Variants in KCNJ3 observed in about 807,000 individuals in gnomAD.
The protein encoded by KCNJ3 is G protein-activated inward rectifier potassium channel 1.
Under a neutral mutation model 39.2 loss-of-function variants are expected in KCNJ3, and 4 were observed. The observed-to-expected ratio is 0.10, with a 90% CI of 0.05 to 0.23. The LOEUF (loss-of-function observed/expected upper bound fraction) is 0.23, where lower values mean the gene tolerates loss of function less well. Ranked by LOEUF, KCNJ3 falls within the 10% of genes least tolerant of loss-of-function variation. The pLI is 1.00. For missense variants in KCNJ3, 276 were observed against 634.9 expected (o/e 0.43, Z 6.08); for synonymous variants, 230 against 237.4 (o/e 0.97, Z 0.29).
At position 154,836,251 on chromosome 2, in the gene KCNJ3, C is replaced by A. The variant is rs867482317; in HGVS notation, c.920-18476C>A. Among the ~76,000 whole-genome samples the A allele has an allele frequency of 8.2e-3, 1,173 of 143,632 alleles. 17 individuals are homozygous for A. Among genetic ancestry groups the A allele is most frequent in the African/African-American group, 0.028 (1,068 of 38,298 alleles). The allele number at this position is 143,632 out of a possible 152,430, so 94.2% of individuals were successfully genotyped here. On this transcript the variant is annotated intron_variant, in intron 2 of 2. Transcript: ENST00000295101. ...AAACAAAAAAAAAAACAAAAAAAAA[C>A]AACTAGGAGAAAATCTAGCCTGCCT...
At chr2:154,731,348 A>G (rs1685446115) in intron 2 of KCNJ3, among the ~76,000 whole-genome samples, 1 of 152,092 alleles carries the variant, frequency 6.6e-6, no homozygotes, top group African/African-American at 2.4e-5. Context: ...GAAAACTCAA[A>G]TTTATATGGT....
rs1684853218 is a variant in KCNJ3 at position 154,699,677 on chromosome 2, G to A, written c.702+200G>A. 3.4e-6 allele frequency: 1 copy of A among 295,114 alleles called. No individual in the cohort carries two copies. 18.3% of individuals were successfully genotyped at this position (295,114 alleles called of 1,614,324 possible). On this transcript the variant is annotated intron_variant, in intron 1 of 2. Coordinates refer to ENST00000295101, the MANE Select transcript of KCNJ3 (RefSeq NM_002239.4). The surrounding 1 kb of genome is among the most constrained non-coding windows in gnomAD (Gnocchi z 6.4). The stretch of plus-strand genomic sequence containing the variant: ...CTGTTCCTTTTCCACTCACTCTCGT[G>A]CTCTTGTTTATATTCGTCATTTCGG...
At chr2:154,788,133 T>C (rs1336850417) in intron 2 of KCNJ3, among the ~76,000 whole-genome samples, 7 of 152,058 alleles carry the variant, frequency 4.6e-5, no homozygotes. Flanking sequence ...ATAATTAAGA[T>C]ACAGAAAAGG....
At chr2:154,816,657 C>G (rs571904715) in intron 2 of KCNJ3, among the ~76,000 whole-genome samples, 12 of 152,078 alleles carry the variant, frequency 7.9e-5, no homozygotes, top group Non-Finnish European at 1.3e-4. Flanking sequence ...AAATTCGGAC[C>G]ATAAAATAAT....
intron 2 of KCNJ3, among the ~76,000 whole-genome samples, chr2:154,778,330 G>A (rs2105201195): frequency 6.6e-6 from 1 of 152,192 alleles, no homozygotes; most frequent in Non-Finnish European, 1.5e-5. Flanking sequence ...ATTTGTATGT[G>A]GTTGCCAAGA....
intron 2 of KCNJ3, among the ~76,000 whole-genome samples, chr2:154,720,179 G>C (rs1685245969): frequency 6.6e-6 from 1 of 152,012 alleles, no homozygotes; most frequent in African/African-American, 2.4e-5. Flanking sequence ...TATCCTCTTG[G>C]GACAGGGTAG....
chr2:154,853,885 C>G (rs1370460421), intron 2 of KCNJ3, among the ~76,000 whole-genome samples: 1 of 152,144 alleles, frequency 6.6e-6, no homozygotes, highest in Non-Finnish European at 1.5e-5. Context: ...TAGCCAGCAA[C>G]CAGTTCCAGA....
intron 2 of KCNJ3, among the ~76,000 whole-genome samples, chr2:154,835,888 A>G (rs536902617): frequency 2.0e-5 from 3 of 152,308 alleles, no homozygotes; most frequent in East Asian, 1.9e-4. Context: ...AGAGAATTTT[A>G]TATCTAGACC....
chr2:154,834,498 G>A (rs959333273), intron 2 of KCNJ3, among the ~76,000 whole-genome samples: 8 of 152,074 alleles, frequency 5.3e-5, no homozygotes, highest in African/African-American at 1.9e-4. Flanking sequence ...TTGGGCTGCC[G>A]AGGCGGGTGG....
intron 2 of KCNJ3, among the ~76,000 whole-genome samples, chr2:154,841,782 T>C (rs1687581218): frequency 6.6e-6 from 1 of 152,124 alleles, no homozygotes; most frequent in African/African-American, 2.4e-5. Context: ...GGTGGTGATA[T>C]CCCCTTTATC....
At chr2:154,778,921 G>T (rs953989378) in intron 2 of KCNJ3, among the ~76,000 whole-genome samples, 10 of 151,954 alleles carry the variant, frequency 6.6e-5, no homozygotes, top group Non-Finnish European at 1.0e-4. Flanking sequence ...AGCACCAAAG[G>T]GTTGATGCAA....
At chr2:154,843,977 G>A (rs900827176) in intron 2 of KCNJ3, among the ~76,000 whole-genome samples, 2 of 152,178 alleles carry the variant, frequency 1.3e-5, no homozygotes, top group African/African-American at 4.8e-5. Flanking sequence ...ATCCAGCTTT[G>A]TTCCATTGCT....
At chr2:154,766,444 A>G (rs1024923530) in intron 2 of KCNJ3, among the ~76,000 whole-genome samples, 12 of 152,284 alleles carry the variant, frequency 7.9e-5, no homozygotes, top group African/African-American at 2.9e-4. Flanking sequence ...TCAATATTCA[A>G]AGAAACCGGT....
chr2:154,800,663 A>G (rs1306268086), intron 2 of KCNJ3, among the ~76,000 whole-genome samples: 3 of 151,982 alleles, frequency 2.0e-5, no homozygotes, highest in East Asian at 3.9e-4. Flanking sequence ...TATCTTGTTC[A>G]TCCTTGCTTG....
chr2:154,823,913 T>C (rs1329086917), intron 2 of KCNJ3, among the ~76,000 whole-genome samples: 1 of 152,178 alleles, frequency 6.6e-6, no homozygotes, highest in Admixed American at 6.5e-5. Context: ...CATCATATAA[T>C]TGTTGAATAA....
In KCNJ3 at chr2:154,738,256, C is replaced by T. The variant is rs572343614; in HGVS notation, c.919+28437C>T. Among the ~76,000 whole-genome samples the T allele has an allele frequency of 3.9e-5, 6 of 151,926 alleles. No homozygotes were observed. The East Asian group carries it at 5.8e-4, about 15-fold the overall frequency. The stretch of plus-strand genomic sequence containing the variant: ...GAACTCAAGGAGATAGAGAGCAGAA[C>T]GATAGTCACCAGAGGCTGGGAAGGG... On this transcript the variant is annotated intron_variant, in intron 2 of 2. Transcript: ENST00000295101.
intron 2 of KCNJ3, among the ~76,000 whole-genome samples, chr2:154,849,864 A>G (rs1193771946): frequency 1.2e-4 from 18 of 152,208 alleles, no homozygotes; most frequent in Non-Finnish European, 8.8e-5. Context: ...GAATCAGGAA[A>G]GGAAAATGTC....
At chr2:154,801,440 T>G (rs952770245) in intron 2 of KCNJ3, among the ~76,000 whole-genome samples, 2 of 152,160 alleles carry the variant, frequency 1.3e-5, no homozygotes, top group Non-Finnish European at 2.9e-5. Flanking sequence ...ACCTACCTCA[T>G]TTTTTCCAAG....
chr2:154,850,033 TTTTTTTTTTTTAC>T, intron 2 of KCNJ3, among the ~76,000 whole-genome samples: 1 of 134,030 alleles, frequency 7.5e-6, no homozygotes, highest in African/African-American at 2.9e-5. Context: ...TTTTTTTTTT[TTTTTTTTTTTTAC>T]AAAATGTTTT....
Sources: allele counts gnomAD v4.1 joint callset (sites outside exome capture counted in the v4.1 genomes callset), GRCh38; gene constraint gnomAD v4.1.1; non-coding constraint Gnocchi (gnomAD v3.1); transcripts MANE v1.5; gene names NCBI Gene and HGNC (gene_info 2026-07-23, HGNC 2026-07-21).